The following HYDIN variants were observed in gnomAD, a reference collection of about 807,000 sequenced individuals.
HYDIN encodes axonemal central pair apparatus protein HYDIN.
Under a neutral mutation model 403.9 loss-of-function variants are expected in HYDIN, and 132 were observed. The observed-to-expected ratio is 0.33, with a 90% CI of 0.28 to 0.38. The LOEUF is 0.38. HYDIN is among the 10% of genes least tolerant of loss of function. The pLI is 1.00. For synonymous variants in HYDIN, 1,202 were observed against 1,891.7 expected, an observed-to-expected ratio of 0.64 and a Z score of 9.46; for missense variants, 2,827 against 5,009.5, an observed-to-expected ratio of 0.56 and a Z score of 13.15.
At chr16:70,976,979 G>A (rs1417406078) in intron 30 of HYDIN, among the ~76,000 whole-genome samples, 23 of 152,062 alleles carry the variant, frequency 1.5e-4, no homozygotes. Context: ...CTGGATTCTA[G>A]AGCAGCAAAG....
At chr16:70,845,871 T>C (rs1476000896) in intron 75 of HYDIN, among the ~76,000 whole-genome samples, 1 of 141,802 alleles carries the variant, frequency 7.1e-6, no homozygotes, top group Non-Finnish European at 1.5e-5. Context: ...TGTATTTCTG[T>C]GGGATCGGTG....
intron 84 of HYDIN, among the ~76,000 whole-genome samples, chr16:70,812,609 T>C (rs1024721188): frequency 6.6e-6 from 1 of 152,228 alleles, no homozygotes; most frequent in Non-Finnish European, 1.5e-5. Context: ...AGATACTATT[T>C]GTAATAGCAT....
At chr16:71,130,470 G>A (rs1443385362) in intron 8 of HYDIN, among the ~76,000 whole-genome samples, 1 of 75,786 alleles carries the variant, frequency 1.3e-5, no homozygotes, top group African/African-American at 4.6e-5. Flanking sequence ...ATATATACCG[G>A]TTTTTTTTTT....
At chr16:71,051,645 C>CAAAAAAAAAAAAAAAAA (rs56676777) in intron 18 of HYDIN, among the ~76,000 whole-genome samples, 70 of 120,026 alleles carry the variant, frequency 5.8e-4, no homozygotes, top group African/African-American at 9.3e-4. Context: ...GACTCTGTCT[C>CAAAAAAAAAAAAAAAAA]AAAAAAAAAA....
chr16:71,114,438 G>A (rs2083939469), intron 10 of HYDIN, among the ~76,000 whole-genome samples: 1 of 151,494 alleles, frequency 6.6e-6, no homozygotes, highest in African/African-American at 2.4e-5. Context: ...TTACCGTCTA[G>A]CAAAGGAGAT....
chr16:71,175,511 ACC>A, intron 5 of HYDIN, 94 bp downstream of exon 5: 2 of 1,230,240 alleles, frequency 1.6e-6, no homozygotes, highest in Non-Finnish European at 2.3e-6. Context: ...CACCACCACC[ACC>A]ACCACCACCA....
Position 70,904,518 on chromosome 16 carries a change from T to TTTTTTTTTTTTTTTTTTTTG in HYDIN, c.8517-455_8517-454insCAAAAAAAAAAAAAAAAAAA, listed in dbSNP as rs767375464. ...TTTTTTTTTTTTTTTTTTTTTTTTTTTGAGGGAGTTTCGTTCTTGTTGCCC... is the reference window on the plus strand; with the variant it reads ...TTTTTTTTTTTTTTTTTTTTTTTTTTTTTTTTTTTTTTTTTTTTTGTGAGGGAGTTTCGTTCTTGTTGCCC... On this transcript the variant is annotated intron_variant, in intron 50 of 85. Coordinates refer to ENST00000393567, the MANE Select transcript of HYDIN (RefSeq NM_001270974.2). Among the ~76,000 whole-genome samples, 87 of 37,014 alleles carry TTTTTTTTTTTTTTTTTTTTG rather than the reference T, an allele frequency of 2.4e-3. 30 individuals carry two copies. Among genetic ancestry groups the TTTTTTTTTTTTTTTTTTTTG allele is most frequent in the Non-Finnish European group, 3.5e-3 (67 of 19,126 alleles). The allele number at this position is 37,014 out of a possible 152,430, so 24.3% of individuals were successfully genotyped here. A position where few individuals can be genotyped will look rare whatever the true frequency, so the allele number is the denominator to read the frequency against.
At chr16:70,989,259 G>C (rs1479788006) in intron 25 of HYDIN, among the ~76,000 whole-genome samples, 1 of 151,982 alleles carries the variant, frequency 6.6e-6, no homozygotes, top group South Asian at 2.1e-4. Flanking sequence ...GGCTGGTCTT[G>C]AACTCGTGGC....
intron 1 of HYDIN, among the ~76,000 whole-genome samples, chr16:71,197,232 A>C (rs141751628): frequency 1.3e-5 from 2 of 152,330 alleles, no homozygotes; most frequent in African/African-American, 4.8e-5. Flanking sequence ...TCCCTAGAAA[A>C]CCCTGACTTA....
chr16:70,964,914 G>C lies in HYDIN; in HGVS notation c.5620-18C>G. Reference sequence around the variant, plus strand: ...CGCAAGATCTGCTCGAGGGGAGAAAGAGAATCCTGTTGGTCTCACTAGAAA... The same window carrying C: ...CGCAAGATCTGCTCGAGGGGAGAAACAGAATCCTGTTGGTCTCACTAGAAA... On this transcript the variant is annotated intron_variant, in intron 36 of 85. Coordinates refer to ENST00000393567, the MANE Select transcript of HYDIN (RefSeq NM_001270974.2). The C allele has an allele frequency of 1.9e-6, 3 of 1,613,350 alleles. No individual in the cohort carries two copies. The highest frequency in any genetic ancestry group is 2.2e-5 in the South Asian group (2 of 91,014).
At chr16:71,042,615 C>A (rs2144201157) in intron 18 of HYDIN, among the ~76,000 whole-genome samples, 1 of 152,254 alleles carries the variant, frequency 6.6e-6, no homozygotes, top group Non-Finnish European at 1.5e-5. Context: ...GACGACGTTT[C>A]CCTTCTTATA....
At chr16:71,116,698 T>C (rs1171198757) in intron 9 of HYDIN, among the ~76,000 whole-genome samples, 4 of 152,172 alleles carry the variant, frequency 2.6e-5, no homozygotes, top group Non-Finnish European at 5.9e-5. Flanking sequence ...ATTTTTCTAA[T>C]AAGTACAAGA....
At chr16:71,151,965 C>T (rs950876772) in intron 7 of HYDIN, among the ~76,000 whole-genome samples, 1 of 152,200 alleles carries the variant, frequency 6.6e-6, no homozygotes, top group Non-Finnish European at 1.5e-5. Flanking sequence ...GTAACTGGAT[C>T]TTAATAGACT....
At chr16:71,051,645 C>CAAAAAAAAAA (rs56676777) in intron 18 of HYDIN, among the ~76,000 whole-genome samples, 10 of 120,180 alleles carry the variant, frequency 8.3e-5, no homozygotes, top group African/African-American at 1.6e-4. Flanking sequence ...GACTCTGTCT[C>CAAAAAAAAAA]AAAAAAAAAA....
chr16:71,032,085 T>A (rs1399941210), intron 18 of HYDIN, among the ~76,000 whole-genome samples, 168 bp from the exon 19 acceptor site: 3 of 151,592 alleles, frequency 2.0e-5, no homozygotes, highest in African/African-American at 7.3e-5. Flanking sequence ...TTCCTTTTTT[T>A]CAAAAAGCAA....
chr16:70,914,085 A>G (rs1489522495), intron 47 of HYDIN, among the ~76,000 whole-genome samples: 7 of 151,672 alleles, frequency 4.6e-5, no homozygotes, highest in East Asian at 1.9e-4. Flanking sequence ...GCAGTTCTGT[A>G]TCTTTTAAGT....
chr16:71,135,147 A>G (rs1401470000), intron 8 of HYDIN, among the ~76,000 whole-genome samples: 1 of 151,438 alleles, frequency 6.6e-6, no homozygotes, highest in African/African-American at 2.4e-5. Context: ...TCATGGTTAT[A>G]AAAATGCTAT....
intron 1 of HYDIN, among the ~76,000 whole-genome samples, chr16:71,223,043 T>C (rs998104332): frequency 6.6e-6 from 1 of 152,130 alleles, no homozygotes. Context: ...AGAACAAATC[T>C]AGAGGCATCA....
intron 18 of HYDIN, among the ~76,000 whole-genome samples, chr16:71,049,813 A>G (rs1329946287): frequency 6.8e-6 from 1 of 146,708 alleles, no homozygotes; most frequent in Non-Finnish European, 1.5e-5. Flanking sequence ...TGAAAAATAT[A>G]GTCATTAAAA....
Sources: allele counts gnomAD v4.1 joint callset (sites outside exome capture counted in the v4.1 genomes callset), GRCh38; gene constraint gnomAD v4.1.1; transcripts MANE v1.5; gene names NCBI Gene and HGNC (gene_info 2026-07-23, HGNC 2026-07-21).